CACNA2D3: variants seen among roughly 807,000 people sequenced by gnomAD.
CACNA2D3 encodes the protein voltage-dependent calcium channel subunit alpha-2/delta-3.
Under a neutral mutation model 160.6 loss-of-function variants are expected in CACNA2D3, and 60 were observed. The observed-to-expected ratio is 0.37, with a 90% CI of 0.30 to 0.46. CACNA2D3 has a LOEUF of 0.46. CACNA2D3 is among the 20% of genes least tolerant of loss of function. CACNA2D3 has a pLI of 1.00. For synonymous variants in CACNA2D3, 558 were observed against 492.9 expected (o/e 1.13, Z -1.75); for missense variants, 1,205 against 1,365.0 (o/e 0.88, Z 1.85).
chr3:54,966,762 T>A (rs1249777075), intron 27 of CACNA2D3, among the ~76,000 whole-genome samples: 3 of 152,136 alleles, frequency 2.0e-5, no homozygotes, highest in African/African-American at 7.2e-5. Context: ...GAGGTTGCAG[T>A]GAGCTGAGAT....
rs191605742 is a variant in CACNA2D3, at chr3:54,169,909, C to T, written c.204+46315C>T. Among the ~76,000 whole-genome samples the T allele has an allele frequency of 2.7e-4, 41 of 152,066 alleles. No individual in the cohort carries two copies. In the East Asian group the frequency reaches 7.4e-3, roughly 27 times the overall value. On this transcript the variant is annotated intron_variant, in intron 2 of 37. Transcript: ENST00000474759. ...AGGTCAAGAGTGAGGGAGAAATGGC[C>T]GAGCGTGGTGGCTCATGCCTGTAAT... is the stretch of plus-strand genomic sequence containing the variant.
At chr3:54,188,780 A>G (rs2107333155) in intron 2 of CACNA2D3, among the ~76,000 whole-genome samples, 1 of 152,308 alleles carries the variant, frequency 6.6e-6, no homozygotes, top group South Asian at 2.1e-4. Flanking sequence ...AACTTCCAAA[A>G]TGGATATATA....
intron 8 of CACNA2D3, among the ~76,000 whole-genome samples, chr3:54,570,632 G>A (rs1702480973): frequency 6.6e-6 from 1 of 152,062 alleles, no homozygotes; most frequent in Non-Finnish European, 1.5e-5. Flanking sequence ...TTTAATAAAT[G>A]CCTTAATCTT....
intron 13 of CACNA2D3, among the ~76,000 whole-genome samples, chr3:54,765,650 C>A (rs1004422886): frequency 6.6e-6 from 1 of 152,130 alleles, no homozygotes; most frequent in Non-Finnish European, 1.5e-5. Context: ...GTAACCAAAT[C>A]ACTCAGTGGT....
intron 4 of CACNA2D3, among the ~76,000 whole-genome samples, chr3:54,483,024 G>A (rs17747054): frequency 0.51 from 77,155 of 151,954 alleles, 19,837 homozygotes; most frequent in Non-Finnish European, 0.54. Context: ...TTAACATGTC[G>A]CAGGGGCCTA....
intron 27 of CACNA2D3, among the ~76,000 whole-genome samples, chr3:54,938,168 G>A (rs150557096): frequency 6.6e-6 from 1 of 152,360 alleles, no homozygotes; most frequent in Non-Finnish European, 1.5e-5. Flanking sequence ...CACCACATCA[G>A]TGCCTGGGTC....
At chr3:54,903,781 T>G (rs771853501) in intron 27 of CACNA2D3, among the ~76,000 whole-genome samples, 20 of 152,220 alleles carry the variant, frequency 1.3e-4, no homozygotes, top group Admixed American at 2.6e-4. Context: ...CTCATTGTGG[T>G]TTTGATTTGC....
chr3:54,442,210 C>A (rs1351130889), intron 4 of CACNA2D3, among the ~76,000 whole-genome samples: 1 of 152,178 alleles, frequency 6.6e-6, no homozygotes, highest in Non-Finnish European at 1.5e-5. Flanking sequence ...TCCCTTGCCT[C>A]ATTCCCCTTG....
intron 4 of CACNA2D3, among the ~76,000 whole-genome samples, chr3:54,400,706 C>T (rs1295285765): frequency 6.6e-6 from 1 of 152,028 alleles, no homozygotes; most frequent in Non-Finnish European, 1.5e-5. Context: ...GTCACCATGC[C>T]CTACCAAATT....
intron 2 of CACNA2D3, among the ~76,000 whole-genome samples, chr3:54,299,004 C>A (rs1251066870): frequency 2.8e-5 from 4 of 141,364 alleles, no homozygotes; most frequent in Non-Finnish European, 6.1e-5. Flanking sequence ...TATGGATGGG[C>A]TTTGAAATCT....
intron 10 of CACNA2D3, chr3:54,637,574 A>G (rs1699405806): frequency 6.6e-6 from 1 of 151,986 alleles, no homozygotes; most frequent in Admixed American, 6.5e-5. Context: ...CTGGCTGTCA[A>G]TACTCACAAC....
rs572830760 is a variant in CACNA2D3, at chr3:54,409,463, A to G, written c.381+22689A>G. 2.6e-4 allele frequency among the ~76,000 whole-genome samples: 39 copies of G among 152,294 alleles called. 1 individual carries two copies. In the South Asian group the frequency reaches 5.6e-3, roughly 22 times the overall value. On this transcript the variant is annotated intron_variant, in intron 4 of 37. Transcript: ENST00000474759. ...ACACAAGAATATTGAAATTAGGCCA[A>G]TTAATAACCCTACAGTGGCCTCTAA...
At chr3:54,630,787 T>C (rs975467073) in intron 10 of CACNA2D3, among the ~76,000 whole-genome samples, 5 of 152,128 alleles carry the variant, frequency 3.3e-5, no homozygotes, top group African/African-American at 1.2e-4. Flanking sequence ...GGAAGCATTT[T>C]TGAACAGGAA....
At chr3:54,683,249 TC>T (rs763688324) in intron 11 of CACNA2D3, among the ~76,000 whole-genome samples, 7 of 152,200 alleles carry the variant, frequency 4.6e-5, no homozygotes, top group African/African-American at 7.2e-5. Context: ...AGATGGCAGC[TC>T]CCCACAGATA....
chr3:54,448,173 C>T (rs541321399), intron 4 of CACNA2D3, among the ~76,000 whole-genome samples: 1 of 152,188 alleles, frequency 6.6e-6, no homozygotes, highest in South Asian at 2.1e-4. Context: ...CACATCCTTC[C>T]AGATCCAAGC....
At chr3:54,495,836 C>T (rs1278238914) in intron 4 of CACNA2D3, among the ~76,000 whole-genome samples, 1 of 152,178 alleles carries the variant, frequency 6.6e-6, no homozygotes, top group East Asian at 1.9e-4. Context: ...CACTCTCCCT[C>T]TGAGAAGCAA....
chr3:54,227,450 A>G (rs879503333), intron 2 of CACNA2D3, among the ~76,000 whole-genome samples: 1 of 152,068 alleles, frequency 6.6e-6, no homozygotes, highest in African/African-American at 2.4e-5. Flanking sequence ...AGTCTTTTAG[A>G]AGAGTAAAAT....
chr3:54,428,904 G>A (rs1315533869), intron 4 of CACNA2D3, among the ~76,000 whole-genome samples: 1 of 152,186 alleles, frequency 6.6e-6, no homozygotes, highest in African/African-American at 2.4e-5. Flanking sequence ...TTGATTTATT[G>A]TGAGGAAGGA....
intron 35 of CACNA2D3, among the ~76,000 whole-genome samples, chr3:55,019,429 A>T (rs1036200037): frequency 6.6e-6 from 1 of 152,136 alleles, no homozygotes; most frequent in African/African-American, 2.4e-5. Flanking sequence ...ATAATAAACT[A>T]AGTATATGTC....
Sources: allele counts gnomAD v4.1 joint callset (sites outside exome capture counted in the v4.1 genomes callset), GRCh38; gene constraint gnomAD v4.1.1; transcripts MANE v1.5; gene names NCBI Gene and HGNC (gene_info 2026-07-23, HGNC 2026-07-21).